Variants in RGS7 observed in about 807,000 individuals in gnomAD.
The protein encoded by RGS7 is regulator of G protein signaling 7.
Under a neutral mutation model 81.1 loss-of-function variants are expected in RGS7, and 27 were observed. That is an observed-to-expected ratio of 0.33 (90% confidence interval 0.25 to 0.46). The LOEUF is 0.46. RGS7 is among the 20% of genes least tolerant of loss of function. The pLI, the probability that RGS7 is intolerant of heterozygous loss-of-function variation, is 1.00. For missense variants in RGS7, 396 were observed against 607.4 expected (o/e 0.65, Z 3.66); for synonymous variants, 208 against 207.7 (o/e 1.00, Z -0.01).
rs568738036 is a variant in RGS7, at chr1:240,893,097, C to T, written c.386-22978G>A. ...AAATAAGATGTAGTTCTTGAACTCC[C>T]AAGAGGATCAATCCAGTGAAATAGA... On this transcript the variant is annotated intron_variant, in intron 6 of 18. Transcript: ENST00000440928. Among the ~76,000 whole-genome samples the T allele has an allele frequency of 6.6e-5, 10 of 152,220 alleles. No homozygotes were observed. In the East Asian group the frequency reaches 1.9e-3, roughly 29 times the overall value.
intron 6 of RGS7, among the ~76,000 whole-genome samples, chr1:240,909,451 G>A (rs538114774): frequency 3.8e-4 from 58 of 151,892 alleles, no homozygotes; most frequent in African/African-American, 1.2e-3. Flanking sequence ...TATTATTATC[G>A]CTAAGTTATT....
chr1:241,257,559 T>A (rs72760532), intron 2 of RGS7, among the ~76,000 whole-genome samples: 16,759 of 152,224 alleles, frequency 0.11, 1,025 homozygotes, highest in Admixed American at 0.19. Flanking sequence ...GTGCCCAAAA[T>A]GTTTTTATCT....
At chr1:241,055,658 C>T (rs1354292737) in intron 3 of RGS7, among the ~76,000 whole-genome samples, 1 of 152,206 alleles carries the variant, frequency 6.6e-6, no homozygotes, top group East Asian at 1.9e-4. Context: ...GAAACCTCTG[C>T]ATATTCAGCT....
chr1:240,801,414 T>G, intron 17 of RGS7, 41 bp downstream of exon 17: 1 of 1,352,912 alleles, frequency 7.4e-7, no homozygotes. Flanking sequence ...AAAATTTCAT[T>G]GGACTTAATG....
chr1:241,291,687 T>G (rs1362864669), intron 2 of RGS7, among the ~76,000 whole-genome samples: 1 of 151,288 alleles, frequency 6.6e-6, no homozygotes, highest in African/African-American at 2.4e-5. Flanking sequence ...CAAGTGATTC[T>G]CCTGCCTCAG....
intron 9 of RGS7, among the ~76,000 whole-genome samples, chr1:240,840,143 A>G (rs1018293077): frequency 2.0e-5 from 3 of 152,178 alleles, no homozygotes; most frequent in Non-Finnish European, 2.9e-5. Flanking sequence ...TTCTCCACAC[A>G]GTAGCCAGAG....
In RGS7 at chr1:240,975,743, T is replaced by C. The variant is rs142734669; in HGVS notation, c.226+7336A>G. Among the ~76,000 whole-genome samples the C allele has an allele frequency of 3.6e-3, 541 of 152,382 alleles. 1 individual carries two copies. The highest frequency in any genetic ancestry group is 0.012 in the African/African-American group (519 of 41,598). The stretch of plus-strand genomic sequence containing the variant: ...ATGACATGATATTAGTCATAAAGCA[T>C]GTTTACTAAGAAAACAATAAATCTG... On this transcript the variant is annotated intron_variant, in intron 4 of 18. Coordinates refer to ENST00000440928, the MANE Select transcript of RGS7 (RefSeq NM_001364886.1).
chr1:241,011,522 C>A (rs978176338), intron 3 of RGS7, among the ~76,000 whole-genome samples: 1 of 151,470 alleles, frequency 6.6e-6, no homozygotes, highest in East Asian at 2.0e-4. Context: ...ATTGAGGGAC[C>A]TTTAGATGAT....
At chr1:241,168,583 C>T (rs12126298) in intron 2 of RGS7, among the ~76,000 whole-genome samples, 39,820 of 151,900 alleles carry the variant, frequency 0.26, 5,451 homozygotes, top group East Asian at 0.36. Flanking sequence ...CCCCTGACTA[C>T]GTTATGTTAT....
intron 2 of RGS7, among the ~76,000 whole-genome samples, chr1:241,221,914 C>T (rs959897701): frequency 3.9e-5 from 6 of 152,158 alleles, no homozygotes; most frequent in Non-Finnish European, 8.8e-5. Flanking sequence ...TCTTTATACA[C>T]ACACACATAC....
chr1:241,271,220 T>C lies in RGS7; in HGVS notation c.78+84479A>G, dbSNP rs538661068. Among the ~76,000 whole-genome samples the C allele has an allele frequency of 6.5e-4, 99 of 152,298 alleles. No homozygotes were observed. Among genetic ancestry groups the C allele is most frequent in the Middle Eastern group, 3.4e-3 (1 of 294 alleles). On this transcript the variant is annotated intron_variant, in intron 2 of 18. Coordinates refer to ENST00000440928, the MANE Select transcript of RGS7 (RefSeq NM_001364886.1). The surrounding 1 kb of genome is among the most constrained non-coding windows in gnomAD (Gnocchi z 4.6). ...AGTTCAAAATCTTGAACAGATCTTA[T>C]CACCCTTAAAGTATTATGTAATATG...
chr1:241,312,260 C>T (rs1447631855), intron 2 of RGS7, among the ~76,000 whole-genome samples: 1 of 152,208 alleles, frequency 6.6e-6, no homozygotes, highest in South Asian at 2.1e-4. Context: ...ACTGTCTTCA[C>T]GCAACTTACA....
At position 241,089,021 on chromosome 1, in the gene RGS7, A is replaced by ATCTCTC. The variant is rs1158514403; in HGVS notation, c.175+9639_175+9644dup. Among the ~76,000 whole-genome samples the ATCTCTC allele has an allele frequency of 9.7e-3, 230 of 23,620 alleles. 22 individuals are homozygous for ATCTCTC. Among genetic ancestry groups the ATCTCTC allele is most frequent in the African/African-American group, 0.019 (69 of 3,698 alleles). The allele number at this position is 23,620 out of a possible 152,430, so 15.5% of individuals were successfully genotyped here. Reference sequence around the variant, plus strand: ...AGCCTGGGCCACAGAGCAAGACTCCATCTCTCTCTCTCTCTCTCTCTCTCT... The same window carrying ATCTCTC: ...AGCCTGGGCCACAGAGCAAGACTCCATCTCTCTCTCTCTCTCTCTCTCTCTCTCTCT... On this transcript the variant is annotated intron_variant, in intron 3 of 18. Coordinates refer to ENST00000440928, the MANE Select transcript of RGS7 (RefSeq NM_001364886.1).
intron 6 of RGS7, among the ~76,000 whole-genome samples, chr1:240,878,624 A>G (rs1405281689): frequency 6.6e-6 from 1 of 151,468 alleles, no homozygotes; most frequent in Non-Finnish European, 1.5e-5. Flanking sequence ...TGTTAGGTAT[A>G]TATGAGGAAA....
In RGS7 at chr1:240,816,400, G is replaced by T; in HGVS notation, c.700C>A (p.Gln234Lys). The change falls in exon 11 of 19, where the codon CAA (glutamine) becomes AAA (lysine). Residue 234 changes from glutamine to lysine, a missense_variant. Transcript: ENST00000440928. ...GGACTGTGACTTCTAATATCATTTT[G>T]TAAACCATAGACAGACTATATTAAA... ...HKTRKSVYGLQNDIRSHSPTH... is the reference protein window; with the variant it reads ...HKTRKSVYGLKNDIRSHSPTH... The T allele has an allele frequency of 1.3e-6, 2 of 1,596,210 alleles. No individual in the cohort carries two copies. Among genetic ancestry groups the T allele is most frequent in the African/African-American group, 1.3e-5 (1 of 74,652 alleles).
At chr1:241,014,442 T>C (rs1434686891) in intron 3 of RGS7, among the ~76,000 whole-genome samples, 1 of 152,214 alleles carries the variant, frequency 6.6e-6, no homozygotes, top group African/African-American at 2.4e-5. Context: ...ACATTAATAG[T>C]TCAGACAGCA....
intron 6 of RGS7, among the ~76,000 whole-genome samples, chr1:240,899,119 T>C (rs1164471394): frequency 1.3e-5 from 2 of 152,190 alleles, no homozygotes; most frequent in Non-Finnish European, 2.9e-5. Context: ...TGCTTTTTTT[T>C]GTTTTCCATT....
intron 3 of RGS7, among the ~76,000 whole-genome samples, chr1:241,002,378 G>A (rs757413239): frequency 2.1e-4 from 32 of 151,572 alleles, no homozygotes; most frequent in Non-Finnish European, 4.3e-4. Context: ...GCTTGAACCC[G>A]GGAGGCGTAG....
At chr1:241,000,572 C>T (rs188405015) in intron 3 of RGS7, among the ~76,000 whole-genome samples, 1 of 152,046 alleles carries the variant, frequency 6.6e-6, no homozygotes, top group African/African-American at 2.4e-5. Context: ...CTGAATGGTC[C>T]AGAACTGTAC....
Sources: gnomAD v4.1 joint callset for allele counts (sites outside exome capture counted in the v4.1 genomes callset) on GRCh38, gnomAD v4.1.1 for gene constraint, Gnocchi (gnomAD v3.1) non-coding constraint, MANE v1.5 for transcripts, NCBI Gene and HGNC (gene_info 2026-07-23, HGNC 2026-07-21) for gene names.